Variants in STPG2 observed in about 807,000 individuals in gnomAD.
STPG2 encodes the protein sperm-tail PG-rich repeat-containing protein 2.
In STPG2, 56 loss-of-function variants were observed where a neutral mutation model predicts 54.2. The observed-to-expected ratio is 1.03, with a 90% CI of 0.83 to 1.29. The LOEUF (loss-of-function observed/expected upper bound fraction) is 1.29. Ranked by LOEUF, STPG2 falls within the 50% of genes most tolerant of loss-of-function variation. The probability of loss-of-function intolerance (pLI) is 0.00; values close to 1 mark genes in which losing one functional copy is unlikely to be tolerated. For synonymous variants in STPG2, 200 were observed against 181.8 expected (o/e 1.10, Z -0.81); for missense variants, 596 against 544.9 (o/e 1.09, Z -0.93).
At chr4:98,073,072 T>C (rs917397411) in intron 5 of STPG2, among the ~76,000 whole-genome samples, 7 of 152,234 alleles carry the variant, frequency 4.6e-5, no homozygotes, top group African/African-American at 2.4e-5. Flanking sequence ...ATTATTTATT[T>C]ATTCATTCAT....
chr4:97,977,513 T>C (rs914306140), intron 6 of STPG2, among the ~76,000 whole-genome samples: 2 of 152,180 alleles, frequency 1.3e-5, no homozygotes, highest in African/African-American at 4.8e-5. Context: ...AAGTTTACAA[T>C]AATAAATACT....
chr4:97,810,978 A>T (rs533867227), intron 9 of STPG2, among the ~76,000 whole-genome samples: 23 of 152,298 alleles, frequency 1.5e-4, no homozygotes, highest in Admixed American at 3.9e-4. Flanking sequence ...GGTAAGGATC[A>T]GATTATATAT....
At chr4:97,981,833 T>TTATATATATATATATATATATATA (rs3047345) in intron 5 of STPG2, among the ~76,000 whole-genome samples, 2 of 143,390 alleles carry the variant, frequency 1.4e-5, no homozygotes, top group African/African-American at 5.1e-5. Context: ...TATAAAATGT[T>TTATATATATATATATATATATATA]TATATATATA....
At chr4:98,058,301 G>A (rs946827406) in intron 5 of STPG2, among the ~76,000 whole-genome samples, 1 of 152,182 alleles carries the variant, frequency 6.6e-6, no homozygotes, top group African/African-American at 2.4e-5. Flanking sequence ...TTGGTATGCT[G>A]TCTTCAAGAG....
At position 97,510,056 on chromosome 4, in the gene STPG2, C is replaced by T. The variant is rs187249456; in HGVS notation, c.462+202643G>A. On this transcript the variant is annotated intron_variant, in intron 4 of 4. Coordinates refer to the STPG2 transcript ENST00000522676. ...CTCTAGGCTATAGAGTTTCTAGAGC[C>T]GGTATCCCCAGGATTATGTCTGTGA... is the stretch of plus-strand genomic sequence containing the variant. 3.5e-3 allele frequency among the ~76,000 whole-genome samples: 532 copies of T among 151,994 alleles called. 3 individuals are homozygous for T. Among genetic ancestry groups the T allele is most frequent in the African/African-American group, 0.012 (502 of 41,504 alleles).
intron 9 of STPG2, among the ~76,000 whole-genome samples, chr4:97,833,933 T>C (rs550397012): frequency 1.3e-5 from 2 of 152,270 alleles, no homozygotes; most frequent in South Asian, 4.1e-4. Context: ...GTTCAACCAC[T>C]GTGAAAGACA....
At chr4:97,924,139 G>A (rs958681122) in intron 8 of STPG2, among the ~76,000 whole-genome samples, 5 of 152,232 alleles carry the variant, frequency 3.3e-5, no homozygotes, top group East Asian at 1.9e-4. Context: ...TGAGGTCAGC[G>A]AGACCACGAA....
intron 10 of STPG2, among the ~76,000 whole-genome samples, chr4:97,591,206 G>C (rs1235246879): frequency 6.6e-6 from 1 of 151,944 alleles, no homozygotes; most frequent in Non-Finnish European, 1.5e-5. Context: ...AAAGAGAAAA[G>C]ATCCATTTGT....
chr4:97,937,571 T>C (rs1732794363), intron 8 of STPG2, among the ~76,000 whole-genome samples: 3 of 152,198 alleles, frequency 2.0e-5, no homozygotes, highest in South Asian at 2.1e-4. Context: ...TTGTAGGAAC[T>C]TTTTTGTTGA....
chr4:98,005,004 C>T (rs10007261), intron 5 of STPG2, among the ~76,000 whole-genome samples: 59,014 of 150,078 alleles, frequency 0.39, 11,832 homozygotes, highest in Middle Eastern at 0.47. Flanking sequence ...TTATTGCAAT[C>T]CCATTTGCTT....
intron 9 of STPG2, among the ~76,000 whole-genome samples, chr4:97,737,133 C>G (rs903370486): frequency 2.3e-4 from 35 of 152,196 alleles, no homozygotes; most frequent in African/African-American, 7.5e-4. Context: ...AACTCCAACA[C>G]ACCTGCAGCG....
At chr4:97,897,505 T>G (rs1731002397) in intron 8 of STPG2, among the ~76,000 whole-genome samples, 1 of 152,184 alleles carries the variant, frequency 6.6e-6, no homozygotes, top group Admixed American at 6.5e-5. Context: ...ATAGTTGAAC[T>G]AATTTACACT....
chr4:98,077,908 C>CA (rs1487973458), intron 5 of STPG2, among the ~76,000 whole-genome samples: 2 of 152,090 alleles, frequency 1.3e-5, no homozygotes, highest in Non-Finnish European at 2.9e-5. Flanking sequence ...AATTGCCCTC[C>CA]AACATATTCT....
intron 4 of STPG2, among the ~76,000 whole-genome samples, chr4:98,107,167 T>C (rs1739212365): frequency 6.6e-6 from 1 of 152,170 alleles, no homozygotes; most frequent in South Asian, 2.1e-4. Flanking sequence ...ATGTCACATA[T>C]CATTTAGGTC....
At chr4:97,882,752 GCAA>G (rs1484716935) in intron 8 of STPG2, among the ~76,000 whole-genome samples, 1 of 152,070 alleles carries the variant, frequency 6.6e-6, no homozygotes, top group Admixed American at 6.6e-5. Flanking sequence ...GTAAATTCCA[GCAA>G]CAACAAGCCA....
At chr4:97,854,968 G>C (rs1344945506) in intron 8 of STPG2, among the ~76,000 whole-genome samples, 1 of 152,084 alleles carries the variant, frequency 6.6e-6, no homozygotes, top group Admixed American at 6.6e-5. Flanking sequence ...TGTTCTCATC[G>C]TTCAGCTCCC....
chr4:97,647,539 T>C (rs531004626), intron 10 of STPG2, among the ~76,000 whole-genome samples: 48 of 152,216 alleles, frequency 3.2e-4, no homozygotes, highest in Middle Eastern at 3.4e-3. Context: ...CCCTGGTCTT[T>C]GCCTGAGGCT....
At chr4:97,741,250 C>T (rs1725221392) in intron 9 of STPG2, among the ~76,000 whole-genome samples, 1 of 152,032 alleles carries the variant, frequency 6.6e-6, no homozygotes, top group Admixed American at 6.6e-5. Flanking sequence ...GACCTAAAAC[C>T]ATAAAAACCC....
chr4:98,076,807 T>C (rs62321587), intron 5 of STPG2, among the ~76,000 whole-genome samples: 60,142 of 151,972 alleles, frequency 0.4, 12,142 homozygotes, highest in Middle Eastern at 0.46. Flanking sequence ...AGGATACAAT[T>C]TTACATTTTT....
Sources: allele counts gnomAD v4.1 joint callset (sites outside exome capture counted in the v4.1 genomes callset), GRCh38; gene constraint gnomAD v4.1.1; transcripts MANE v1.5; gene names NCBI Gene and HGNC (gene_info 2026-07-23, HGNC 2026-07-21).